Variants in ANXA8 observed in about 807,000 individuals in gnomAD.
ANXA8 encodes annexin A8, also known as VAC-beta.
Under a neutral mutation model 26.8 loss-of-function variants are expected in ANXA8, and 9 were observed. That is an observed-to-expected ratio of 0.34 (90% CI 0.20 to 0.59). ANXA8 has a LOEUF of 0.59. ANXA8 is among the 20% of genes least tolerant of loss of function. ANXA8 has a pLI of 0.84. For synonymous variants in ANXA8, 39 were observed against 94.8 expected (o/e 0.41, Z 3.42); for missense variants, 83 against 238.5 (o/e 0.35, Z 4.29).
chr10:47,597,330 C>T, the ANXA8 span, among the ~76,000 whole-genome samples: 3 of 149,038 alleles, frequency 2.0e-5, no homozygotes, highest in Non-Finnish European at 4.4e-5. Context: ...TGGAAGAATT[C>T]CCATAAGAAT....
the ANXA8 span, among the ~76,000 whole-genome samples, chr10:47,652,318 C>T: frequency 2.7e-3 from 404 of 151,662 alleles, 3 homozygotes; most frequent in African/African-American, 9.3e-3. Context: ...AAAGTATAGG[C>T]CGAGTGCAGT....
chr10:47,687,992 C>A, the ANXA8 span, among the ~76,000 whole-genome samples: 1 of 151,678 alleles, frequency 6.6e-6, no homozygotes, highest in Non-Finnish European at 1.5e-5. Context: ...CTCAGCTACT[C>A]GGTAGGTTGA....
At chr10:47,768,402 A>T in the ANXA8 span, among the ~76,000 whole-genome samples, 1 of 151,434 alleles carries the variant, frequency 6.6e-6, no homozygotes, top group Non-Finnish European at 1.5e-5. Context: ...CGGTTAAGAC[A>T]TGAAGAAATT....
the ANXA8 span, among the ~76,000 whole-genome samples, chr10:47,554,174 CGCCTGTGGT>C: frequency 1.4e-5 from 1 of 70,682 alleles, no homozygotes; most frequent in Non-Finnish European, 2.3e-5. Flanking sequence ...CGTGGCAGGG[CGCCTGTGGT>C]CCCTGTGGTC....
the ANXA8 span, among the ~76,000 whole-genome samples, chr10:47,650,119 A>C: frequency 6.7e-6 from 1 of 148,748 alleles, no homozygotes; most frequent in African/African-American, 2.5e-5. Flanking sequence ...GAGGCACGAG[A>C]ATCTCTTGAG....
At chr10:47,683,054 G>A in the ANXA8 span, among the ~76,000 whole-genome samples, 1 of 152,080 alleles carries the variant, frequency 6.6e-6, no homozygotes, top group Non-Finnish European at 1.5e-5. Context: ...TCTGCTCACA[G>A]GTTGGCTTTA....
chr10:47,513,453 C>T, the ANXA8 span, among the ~76,000 whole-genome samples: 2 of 142,000 alleles, frequency 1.4e-5, 1 homozygote, highest in Non-Finnish European at 3.1e-5. Flanking sequence ...GTGAAAATGA[C>T]CATACTGCCA....
the ANXA8 span, among the ~76,000 whole-genome samples, chr10:47,627,144 C>G: frequency 6.7e-6 from 1 of 149,804 alleles, no homozygotes; most frequent in Non-Finnish European, 1.5e-5. Context: ...TGCATGCTGA[C>G]TGTACTCCTC....
the ANXA8 span, chr10:47,502,041 G>A: frequency 6.6e-7 from 1 of 1,506,778 alleles, no homozygotes; most frequent in Non-Finnish European, 9.0e-7. Context: ...TTTTGTTTTT[G>A]CACCAAGGAG....
the ANXA8 span, among the ~76,000 whole-genome samples, chr10:47,682,543 C>G: frequency 6.7e-6 from 1 of 148,406 alleles, no homozygotes; most frequent in South Asian, 2.1e-4. Context: ...GATCTTGGCT[C>G]ACTGCAACCT....
the ANXA8 span, among the ~76,000 whole-genome samples, chr10:47,762,128 G>A: frequency 1.4e-5 from 2 of 144,178 alleles, no homozygotes; most frequent in Non-Finnish European, 3.1e-5. Context: ...CCTGCTGCAA[G>A]GCTGGACTCT....
chr10:47,679,707 C>G, the ANXA8 span, among the ~76,000 whole-genome samples: 2 of 151,664 alleles, frequency 1.3e-5, no homozygotes, highest in African/African-American at 4.9e-5. Flanking sequence ...TCGCTTGAGC[C>G]CAGAAATTGG....
At chr10:47,487,958 G>A (rs1392899575), upstream of ANXA8, among the ~76,000 whole-genome samples, 24 of 150,468 alleles carry the variant, frequency 1.6e-4, no homozygotes, top group African/African-American at 5.9e-4. Context: ...AAACTCATAT[G>A]CTGAAATCCT....
the ANXA8 span, among the ~76,000 whole-genome samples, chr10:47,883,415 A>ATTT: frequency 1.3e-4 from 3 of 22,764 alleles, no homozygotes; most frequent in African/African-American, 2.1e-4. Context: ...GGACATCTGA[A>ATTT]TTTTTTTTTT....
the ANXA8 span, among the ~76,000 whole-genome samples, chr10:47,755,081 C>T: frequency 1.3e-5 from 2 of 149,276 alleles, no homozygotes; most frequent in Non-Finnish European, 3.0e-5. Context: ...TTCAGCCTCC[C>T]GAGTAGTTGG....
chr10:47,649,476 T>C, the ANXA8 span, among the ~76,000 whole-genome samples: 237 of 151,336 alleles, frequency 1.6e-3, 3 homozygotes, highest in African/African-American at 5.5e-3. Flanking sequence ...TGGTGCCATC[T>C]TGGTTCACTG....
At chr10:47,970,977 C>A in the ANXA8 span, among the ~76,000 whole-genome samples, 8 of 151,500 alleles carry the variant, frequency 5.3e-5, no homozygotes, top group South Asian at 1.7e-3. Flanking sequence ...CAGGGTCCAA[C>A]AGGAAAGACA....
chr10:47,675,710 A>G, the ANXA8 span, among the ~76,000 whole-genome samples: 1 of 151,786 alleles, frequency 6.6e-6, no homozygotes, highest in Non-Finnish European at 1.5e-5. Context: ...GTGTGTAATG[A>G]AAAGTTACAA....
chr10:47,616,827 A>T, the ANXA8 span, among the ~76,000 whole-genome samples: 5 of 70,896 alleles, frequency 7.1e-5, no homozygotes, highest in African/African-American at 2.1e-4. Context: ...TAACTAATTC[A>T]CTTTCTATAT....
Sources: gnomAD v4.1 joint callset for allele counts (sites outside exome capture counted in the v4.1 genomes callset) on GRCh38, gnomAD v4.1.1 for gene constraint, MANE v1.5 for transcripts, NCBI Gene and HGNC (gene_info 2026-07-23, HGNC 2026-07-21) for gene names.